The following CPLX1 variants were observed in gnomAD, a reference collection of about 807,000 sequenced individuals.
CPLX1 encodes the protein complexin-1.
In CPLX1, 6 loss-of-function variants were observed where a neutral mutation model predicts 15.6. The ratio of observed to expected loss-of-function variants is 0.39; its 90% CI spans 0.21 to 0.76. The LOEUF (loss-of-function observed/expected upper bound fraction) is 0.76, where lower values mean the gene tolerates loss of function less well. Among genes scored for constraint, CPLX1 ranks in the 30% least tolerant of loss-of-function variants. The pLI is 0.43. For synonymous variants in CPLX1, 91 were observed against 75.2 expected, an observed-to-expected ratio of 1.21 and a Z score of -1.08; for missense variants, 242 against 188.6, an observed-to-expected ratio of 1.28 and a Z score of -1.66.
rs760717134 is a variant in CPLX1, at chr4:792,623, G to C, written c.32-15C>G. 6.2e-7 allele frequency: 1 copy of C among 1,606,662 alleles called. No individual in the cohort carries two copies. The highest frequency in any genetic ancestry group is 1.7e-5 in the Admixed American group (1 of 59,662). ...CTTGGTGGCCCCTGGTACAGAAGTT[G>C]GTGATTCAGACCGCCCCATTCAGAT... On this transcript the variant is annotated splice_polypyrimidine_tract_variant and intron_variant, in intron 2 of 3. Coordinates refer to ENST00000304062, the MANE Select transcript of CPLX1 (RefSeq NM_006651.4).
intron 2 of CPLX1, among the ~76,000 whole-genome samples, chr4:799,938 G>A (rs867967958): frequency 6.6e-6 from 1 of 152,302 alleles, no homozygotes; most frequent in African/African-American, 2.4e-5. Context: ...AGTTGCTCTA[G>A]GAATTAAACC....
chr4:805,463 G>T (rs1231479227), intron 2 of CPLX1, among the ~76,000 whole-genome samples: 2 of 152,214 alleles, frequency 1.3e-5, no homozygotes, highest in Non-Finnish European at 2.9e-5. Context: ...ACAAGTGTTG[G>T]CAACAATGTG....
intron 2 of CPLX1, among the ~76,000 whole-genome samples, chr4:800,724 TAAAAA>T (rs200021525): frequency 1.3e-5 from 1 of 76,238 alleles, no homozygotes; most frequent in Non-Finnish European, 2.3e-5. Flanking sequence ...CCGTCTCTAC[TAAAAA>T]AAAAAATATA....
intron 2 of CPLX1, among the ~76,000 whole-genome samples, chr4:813,866 A>G (rs558512238): frequency 6.6e-6 from 1 of 152,334 alleles, no homozygotes; most frequent in South Asian, 2.1e-4. Context: ...GAATTCCCAC[A>G]CACACACAGA....
At chr4:791,118 C>CT (rs3836592) in intron 3 of CPLX1, among the ~76,000 whole-genome samples, 92,470 of 150,290 alleles carry the variant, frequency 0.62, 28,713 homozygotes, top group Middle Eastern at 0.74. Flanking sequence ...CTGTGGCTGC[C>CT]TGGCTGAGAT....
chr4:786,225 C>G lies in CPLX1; in HGVS notation c.*276G>C. ...GCCCTTCGGCGGCCCTGGCCTCGGG[C>G]GCTGCTGGGTGGGCGGTAAACAGCA... On this transcript the variant is annotated 3_prime_UTR_variant, in exon 4 of 4. Coordinates refer to ENST00000304062, the MANE Select transcript of CPLX1 (RefSeq NM_006651.4). 3.5e-6 allele frequency: 1 copy of G among 288,022 alleles called. No homozygotes were observed. Among genetic ancestry groups the G allele is most frequent in the Non-Finnish European group, 6.4e-6 (1 of 155,876 alleles). The allele number at this position is 288,022 out of a possible 1,614,324, so 17.8% of individuals were successfully genotyped here.
intron 2 of CPLX1, among the ~76,000 whole-genome samples, chr4:820,819 C>T (rs550101453): frequency 5.3e-4 from 63 of 119,782 alleles, no homozygotes; most frequent in African/African-American, 1.5e-3. Flanking sequence ...TCACCAGCCT[C>T]GCGTGAACCC....
chr4:790,014 ACGCC>A, intron 3 of CPLX1, among the ~76,000 whole-genome samples: 2 of 84,658 alleles, frequency 2.4e-5, no homozygotes, highest in East Asian at 5.4e-4. Context: ...ACAGGTGGCC[ACGCC>A]TGAGGGCGGG....
At position 807,476 on chromosome 4, in the gene CPLX1, AT is replaced by A. The variant is rs146977081; in HGVS notation, c.32-14869del. On this transcript the variant is annotated intron_variant, in intron 2 of 3. Coordinates refer to ENST00000304062, the MANE Select transcript of CPLX1 (RefSeq NM_006651.4). ...TCCTGCACATGTATCCCGGAACTTA[AT>A]TTTTTTTTTTTTTGAGATGGAGTTT... Among the ~76,000 whole-genome samples, 477 of 145,108 alleles carry A rather than the reference AT, an allele frequency of 3.3e-3. 1 individual carries two copies. Among genetic ancestry groups the A allele is most frequent in the Middle Eastern group, 0.011 (3 of 282 alleles).
chr4:795,813 G>GT (rs940036643), intron 2 of CPLX1, among the ~76,000 whole-genome samples: 1 of 151,636 alleles, frequency 6.6e-6, no homozygotes, highest in East Asian at 1.9e-4. Flanking sequence ...GGTGGGGGGG[G>GT]GGTGCAGATC....
At chr4:787,731 C>G in intron 3 of CPLX1, 1 of 984,388 alleles carries the variant, frequency 1.0e-6, no homozygotes, top group African/African-American at 1.7e-5. Context: ...TTGTCAGGCC[C>G]CGGGGTTTTG....
At chr4:825,858 G>C (rs868702240) in intron 1 of CPLX1, among the ~76,000 whole-genome samples, 188 bp downstream of exon 1, 1 of 133,096 alleles carries the variant, frequency 7.5e-6, no homozygotes, top group South Asian at 2.6e-4. Context: ...GGAGAGACCC[G>C]GGGAGCGGAG....
chr4:810,818 TC>T (rs1433025055), intron 2 of CPLX1, among the ~76,000 whole-genome samples: 1 of 151,838 alleles, frequency 6.6e-6, no homozygotes, highest in Non-Finnish European at 1.5e-5. Context: ...TGCCCCAGCC[TC>T]CCGAGTAGCT....
chr4:824,869 C>A, intron 1 of CPLX1: 1 of 479,956 alleles, frequency 2.1e-6, no homozygotes, highest in Non-Finnish European at 3.9e-6. Flanking sequence ...CGCTCAGAGG[C>A]GCCTGGCGCC....
At chr4:807,064 G>A (rs1746567371) in intron 2 of CPLX1, among the ~76,000 whole-genome samples, 1 of 152,144 alleles carries the variant, frequency 6.6e-6, no homozygotes, top group Non-Finnish European at 1.5e-5. Context: ...GCAAAGATAG[G>A]GAATCAACCC....
intron 2 of CPLX1, among the ~76,000 whole-genome samples, chr4:803,974 C>T (rs957125670): frequency 2.6e-5 from 4 of 152,364 alleles, no homozygotes; most frequent in East Asian, 3.9e-4. Flanking sequence ...CCTGGCCTCA[C>T]GGTGCCTTTT....
chr4:823,081 A>C (rs1746902548), intron 2 of CPLX1, among the ~76,000 whole-genome samples: 1 of 152,230 alleles, frequency 6.6e-6, no homozygotes, highest in Non-Finnish European at 1.5e-5. Flanking sequence ...GTAGACAGCC[A>C]AATAAGATAT....
At chr4:825,750 G>A (rs866765823) in intron 1 of CPLX1, among the ~76,000 whole-genome samples, 1 of 151,238 alleles carries the variant, frequency 6.6e-6, no homozygotes, top group South Asian at 2.1e-4. Flanking sequence ...GCGGAGCCCG[G>A]GAGAGAAACG....
Position 796,647 on chromosome 4 carries a change from T to C in CPLX1, c.32-4039A>G, listed in dbSNP as rs558979734. On this transcript the variant is annotated intron_variant, in intron 2 of 3. Transcript: ENST00000304062. ...TGAAATAAAACTACGGGGAAAATTA[T>C]AGAATTGAATGAAAAATTAAACAAT... Among the ~76,000 whole-genome samples the C allele has an allele frequency of 3.3e-5, 5 of 152,276 alleles. No individual in the cohort carries two copies. The South Asian group carries it at 8.3e-4, about 25-fold the overall frequency.
Sources: allele counts gnomAD v4.1 joint callset (sites outside exome capture counted in the v4.1 genomes callset), GRCh38; gene constraint gnomAD v4.1.1; transcripts MANE v1.5; gene names NCBI Gene and HGNC (gene_info 2026-07-23, HGNC 2026-07-21).